PTPN5: variants seen among roughly 807,000 people sequenced by gnomAD.
PTPN5 encodes the protein protein tyrosine phosphatase non-receptor type 5, also known as tyrosine-protein phosphatase non-receptor type 5.
PTPN5 carries 29 observed loss-of-function variants against 73.9 expected under a neutral mutation model. That is an observed-to-expected ratio of 0.39 (90% CI 0.29 to 0.54). The LOEUF is 0.54. Among genes scored for constraint, PTPN5 ranks in the 20% least tolerant of loss-of-function variants. The pLI is 0.65. For missense variants in PTPN5, 652 were observed against 751.4 expected (o/e 0.87, Z 1.55); for synonymous variants, 267 against 304.7 (o/e 0.88, Z 1.29).
chr11:18,732,219 A>C (rs1356111694), intron 12 of PTPN5, among the ~76,000 whole-genome samples: 1 of 152,164 alleles, frequency 6.6e-6, no homozygotes, highest in African/African-American at 2.4e-5. Context: ...TCTAAGGAGG[A>C]TCTCAAAGTC....
At chr11:18,754,249 G>C (rs993821852) in intron 3 of PTPN5, among the ~76,000 whole-genome samples, 2 of 152,198 alleles carry the variant, frequency 1.3e-5, no homozygotes, top group Admixed American at 6.5e-5. Flanking sequence ...AACGGAAATT[G>C]AGGGCCCTTC....
chr11:18,791,380 A>ACGGGGGCGTGG lies in PTPN5; in HGVS notation c.-114+134_-114+144dup, dbSNP rs937228158. The ACGGGGGCGTGG allele has an allele frequency of 3.9e-5, 6 of 152,166 alleles. 1 individual carries two copies. Among genetic ancestry groups the ACGGGGGCGTGG allele is most frequent in the Admixed American group, 1.3e-4 (2 of 15,280 alleles). 9.4% of individuals were successfully genotyped at this position (152,166 alleles called of 1,614,324 possible). On this transcript the variant is annotated intron_variant, in intron 1 of 14. Coordinates refer to ENST00000358540, the MANE Select transcript of PTPN5 (RefSeq NM_006906.2). The stretch of plus-strand genomic sequence containing the variant: ...CCAGCATGCGGGCGCCCAGAGCCCC[A>ACGGGGGCGTGG]CGGGGGCGTGGCGGGGGCGGGCGCC...
Position 18,771,966 on chromosome 11 carries a change from G to A in PTPN5, c.-8C>T, listed in dbSNP as rs745523884. ...GGCTCCCTCATAATTCATTCCCAAGGTGTCTGGATGGGGAAGGGTGCCATC... is the reference window on the plus strand; with the variant it reads ...GGCTCCCTCATAATTCATTCCCAAGATGTCTGGATGGGGAAGGGTGCCATC... On this transcript the variant is annotated 5_prime_UTR_variant, in exon 2 of 15. Transcript: ENST00000358540. The A allele has an allele frequency of 1.3e-6, 2 of 1,571,810 alleles. No homozygotes were observed. Among genetic ancestry groups the A allele is most frequent in the Admixed American group, 4.0e-5 (2 of 49,392 alleles).
chr11:18,791,827 A>G (rs1023528745), upstream of PTPN5: 1 of 150,498 alleles, frequency 6.6e-6, no homozygotes, highest in African/African-American at 2.5e-5. Flanking sequence ...TGGGTTTGGC[A>G]CCCCCCAGCC....
Position 18,729,531 on chromosome 11 carries a change from G to T in PTPN5, c.1526C>A (p.Thr509Asn). The change falls in exon 14 of 15, where the codon ACC (threonine) becomes AAC (asparagine). Residue 509 changes from threonine (T) to asparagine (N), a missense_variant. Thr to Asn is a moderately conservative substitution (Grantham distance 65, BLOSUM62 0). Coordinates refer to ENST00000358540, the MANE Select transcript of PTPN5 (RefSeq NM_006906.2). This position sits in a 1 kb window ranked among gnomAD's most constrained non-coding sequence, Gnocchi z 5.2. ...GIGRTGCFIA[T>N]SICCQQLRQE... ...CCGCAGCTGCTGGCAGCAGATGCTGGTGGCAATGAAGCAGCCGGTCCTCCC... is the reference window on the plus strand; with the variant it reads ...CCGCAGCTGCTGGCAGCAGATGCTGTTGGCAATGAAGCAGCCGGTCCTCCC... 1 of 1,600,858 alleles carries T rather than the reference G, an allele frequency of 6.2e-7. No individual in the cohort carries two copies. The highest frequency in any genetic ancestry group is 8.5e-7 in the Non-Finnish European group (1 of 1,176,076).
At chr11:18,779,816 G>C (rs1435793540) in intron 1 of PTPN5, among the ~76,000 whole-genome samples, 3 of 152,220 alleles carry the variant, frequency 2.0e-5, no homozygotes, top group Non-Finnish European at 4.4e-5. Context: ...CAGAGGCAGA[G>C]AGACCTGGCT....
intron 1 of PTPN5, among the ~76,000 whole-genome samples, chr11:18,784,754 C>T (rs1285846837): frequency 2.0e-5 from 3 of 152,058 alleles, no homozygotes; most frequent in African/African-American, 7.2e-5. Context: ...GCTGCATGTC[C>T]CTCTGCCACC....
rs748137909 is a variant in PTPN5 at position 18,786,579 on chromosome 11, GAA to G, written c.-114+4944_-114+4945del. ...TTTGGTGATAACACTGCTTAAAAGA[GAA>G]AAGAGTTTCTAGTTTTTGTTTTTCT... On this transcript the variant is annotated intron_variant, in intron 1 of 14. Transcript: ENST00000358540. 2.0e-5 allele frequency among the ~76,000 whole-genome samples: 3 copies of G among 152,230 alleles called. No individual in the cohort carries two copies. The East Asian group carries it at 5.8e-4, about 29-fold the overall frequency.
chr11:18,764,392 A>G (rs1450411381), intron 3 of PTPN5, among the ~76,000 whole-genome samples: 1 of 152,242 alleles, frequency 6.6e-6, no homozygotes, highest in African/African-American at 2.4e-5. Context: ...ATTCTCTTCT[A>G]GACAGACGGT....
intron 3 of PTPN5, among the ~76,000 whole-genome samples, chr11:18,760,730 A>T (rs1850348308): frequency 6.6e-6 from 1 of 152,240 alleles, no homozygotes; most frequent in Admixed American, 6.5e-5. Flanking sequence ...TTTGTTCCCA[A>T]GAGCAGCGTT....
In PTPN5 at chr11:18,733,486, G is replaced by A; in HGVS notation, c.1080+70C>T. The A allele has an allele frequency of 6.2e-7, 1 of 1,612,712 alleles. No individual in the cohort carries two copies. The highest frequency in any genetic ancestry group is 8.5e-7 in the Non-Finnish European group (1 of 1,178,986). ...AGGAGCCAGACTGGTGTAGGGACAAGGCTGGAGGATGGATCCCATCGACTC... is the reference window on the plus strand; with the variant it reads ...AGGAGCCAGACTGGTGTAGGGACAAAGCTGGAGGATGGATCCCATCGACTC... On this transcript the variant is annotated intron_variant, in intron 10 of 14. Coordinates refer to ENST00000358540, the MANE Select transcript of PTPN5 (RefSeq NM_006906.2). The surrounding 1 kb of genome is among the most constrained non-coding windows in gnomAD (Gnocchi z 4.3).
chr11:18,731,137 C>T (rs954834812), intron 12 of PTPN5, among the ~76,000 whole-genome samples: 11 of 137,646 alleles, frequency 8.0e-5, no homozygotes, highest in Admixed American at 7.9e-4. Context: ...TATATATATA[C>T]ACACACACCT....
intron 1 of PTPN5, among the ~76,000 whole-genome samples, chr11:18,778,812 A>G (rs1851288099): frequency 6.6e-6 from 1 of 152,170 alleles, no homozygotes; most frequent in Non-Finnish European, 1.5e-5. Flanking sequence ...GCATTTCTTT[A>G]TAGCAATGCA....
chr11:18,767,254 A>C (rs928192201), intron 2 of PTPN5, among the ~76,000 whole-genome samples: 3 of 152,184 alleles, frequency 2.0e-5, no homozygotes, highest in Non-Finnish European at 4.4e-5. Flanking sequence ...TTAAGGGCAG[A>C]GAGGTCAGGT....
intron 3 of PTPN5, among the ~76,000 whole-genome samples, chr11:18,753,345 AG>A (rs1849979350): frequency 6.6e-6 from 1 of 152,192 alleles, no homozygotes; most frequent in Non-Finnish European, 1.5e-5. Context: ...GGGCCTTCCA[AG>A]TGTCCCGTAA....
At chr11:18,746,195 A>ACACATT (rs1554916253) in intron 3 of PTPN5, among the ~76,000 whole-genome samples, 3 of 114,038 alleles carry the variant, frequency 2.6e-5, no homozygotes, top group African/African-American at 9.7e-5. Context: ...ATATATATAC[A>ACACATT]TTTTTTTTTT....
chr11:18,742,339 C>T lies in PTPN5; in HGVS notation c.648G>A (p.Val216=). The change falls in exon 7 of 15, where the codon GTG becomes GTA. Residue 216 remains valine, a synonymous_variant. Coordinates refer to ENST00000358540, the MANE Select transcript of PTPN5 (RefSeq NM_006906.2). This position sits in a 1 kb window ranked among gnomAD's most constrained non-coding sequence, Gnocchi z 4.1. Reference sequence around the variant, plus strand: ...GCTTGATGTCCATCACACAATCAAACACAGGAGTCTCGGGCACCGGGTCGA... The same window carrying T: ...GCTTGATGTCCATCACACAATCAAATACAGGAGTCTCGGGCACCGGGTCGA... ...LDLDPVPETP[V]FDCVMDIKPE... 1 of 1,614,182 alleles carries T rather than the reference C, an allele frequency of 6.2e-7. No homozygotes were observed. Among genetic ancestry groups the T allele is most frequent in the Non-Finnish European group, 8.5e-7 (1 of 1,180,034 alleles).
Position 18,743,222 on chromosome 11 carries a change from C to T in PTPN5, c.399+100G>A, listed in dbSNP as rs1849454362. 4.6e-6 allele frequency: 6 copies of T among 1,297,368 alleles called. No homozygotes were observed. In the Admixed American group the frequency reaches 1.0e-4, roughly 22 times the overall value. The allele number at this position is 1,297,368 out of a possible 1,614,324, so 80.4% of individuals were successfully genotyped here. A position where few individuals can be genotyped will look rare whatever the true frequency, so the allele number is the denominator to read the frequency against. On this transcript the variant is annotated intron_variant, in intron 5 of 14. Transcript: ENST00000358540. ...AAGAACTTCAGGGGCTTGGAAGTAT[C>T]TTCTGAACTCAGAGAAGCCCAATCT... is the stretch of plus-strand genomic sequence containing the variant.
At chr11:18,789,923 T>C (rs1046255768) in intron 1 of PTPN5, among the ~76,000 whole-genome samples, 30 of 152,054 alleles carry the variant, frequency 2.0e-4, no homozygotes, top group African/African-American at 7.0e-4. Context: ...TACCACCTGT[T>C]CCCCAAAAAT....
Sources: allele counts gnomAD v4.1 joint callset (sites outside exome capture counted in the v4.1 genomes callset), GRCh38; gene constraint gnomAD v4.1.1; non-coding constraint Gnocchi (gnomAD v3.1); transcripts MANE v1.5; gene names NCBI Gene and HGNC (gene_info 2026-07-23, HGNC 2026-07-21).